The following BTNL9 variants were observed in gnomAD, a reference collection of about 807,000 sequenced individuals.
BTNL9 encodes butyrophilin like 9, also known as butyrophilin-like protein 9.
In BTNL9, 45 loss-of-function variants were observed where a neutral mutation model predicts 45.8. The observed-to-expected ratio is 0.98, with a 90% CI of 0.77 to 1.26. BTNL9 has a LOEUF of 1.26. Ranked by LOEUF, BTNL9 falls within the 50% of genes most tolerant of loss-of-function variation. The probability of loss-of-function intolerance (pLI) is 0.00; values close to 1 mark genes in which losing one functional copy is unlikely to be tolerated. For synonymous variants in BTNL9, 346 were observed against 330.8 expected (o/e 1.05, Z -0.50); for missense variants, 784 against 729.7 (o/e 1.07, Z -0.86).
chr5:181,059,802 C>G lies in BTNL9; in HGVS notation c.1548C>G (p.Asn516Lys). 2 of 1,602,648 alleles carry G rather than the reference C, an allele frequency of 1.2e-6. No individual in the cohort carries two copies. Among genetic ancestry groups the G allele is most frequent in the Non-Finnish European group, 1.7e-6 (2 of 1,178,604 alleles). Residue 516 changes from asparagine to lysine, a missense_variant, in exon 11 of 11, where the codon AAC becomes AAG. Physicochemically the swap from Asn to Lys is moderately conservative, Grantham distance 94. Coordinates refer to ENST00000327705, the MANE Select transcript of BTNL9 (RefSeq NM_152547.5). ...PVRGTGVPEE[N>K]DSDTWLQPYE... is the part of the protein sequence containing the mutation. ...GAGGGACGGGCGTCCCCGAAGAGAA[C>G]GACAGTGACACCTGGCTACAGCCCT...
In BTNL9 at chr5:181,053,357, G is replaced by T; in HGVS notation, c.853+41G>T. 1 of 1,525,342 alleles carries T rather than the reference G, an allele frequency of 6.6e-7. No individual in the cohort carries two copies. Among genetic ancestry groups the T allele is most frequent in the Non-Finnish European group, 8.8e-7 (1 of 1,135,976 alleles). 94.5% of individuals were successfully genotyped at this position (1,525,342 alleles called of 1,614,324 possible). ...GCGGGGCGGGGAGGGGCACCGGCCGGTGCTGAACCCCGGGGCCGCGGAGGC... is the reference window on the plus strand; with the variant it reads ...GCGGGGCGGGGAGGGGCACCGGCCGTTGCTGAACCCCGGGGCCGCGGAGGC... On this transcript the variant is annotated intron_variant, in intron 5 of 10. Coordinates refer to ENST00000327705, the MANE Select transcript of BTNL9 (RefSeq NM_152547.5). The surrounding 1 kb of genome is among the most constrained non-coding windows in gnomAD (Gnocchi z 6.5).
In BTNL9 at chr5:181,048,739, C is replaced by A. The variant is rs1039406700; in HGVS notation, c.454+468C>A. On this transcript the variant is annotated intron_variant, in intron 3 of 10. Coordinates refer to ENST00000327705, the MANE Select transcript of BTNL9 (RefSeq NM_152547.5). ...TATATATATATATCTATATATATATCTATCTATATATATAGATATAGATAT... is the reference window on the plus strand; with the variant it reads ...TATATATATATATCTATATATATATATATCTATATATATAGATATAGATAT... Among the ~76,000 whole-genome samples the A allele has an allele frequency of 2.2e-3, 139 of 63,094 alleles. 1 individual carries two copies. The highest frequency in any genetic ancestry group is 5.6e-3 in the African/African-American group (103 of 18,354). The allele number at this position is 63,094 out of a possible 152,430, so 41.4% of individuals were successfully genotyped here.
At position 181,055,376 on chromosome 5, in the gene BTNL9, G is replaced by A. The variant is rs1284209790; in HGVS notation, c.908-57G>A. 2 of 1,613,980 alleles carry A rather than the reference G, an allele frequency of 1.2e-6. No individual in the cohort carries two copies. Among genetic ancestry groups the A allele is most frequent in the Non-Finnish European group, 1.7e-6 (2 of 1,179,994 alleles). On this transcript the variant is annotated intron_variant, in intron 7 of 10. Coordinates refer to ENST00000327705, the MANE Select transcript of BTNL9 (RefSeq NM_152547.5). This position sits in a 1 kb window ranked among gnomAD's most constrained non-coding sequence, Gnocchi z 4.4. ...AAGCTCTTCCCAGTGGCCTGTCTTG[G>A]GAAGATGGTTCCACCCACCTGCAGG...
At chr5:181,047,631 G>T in intron 2 of BTNL9, 1 of 629,544 alleles carries the variant, frequency 1.6e-6, no homozygotes, top group South Asian at 5.7e-5. Context: ...TTAATGCCTT[G>T]GTCATATTTA....
chr5:181,060,714 T>G lies in BTNL9; in HGVS notation c.*852T>G, dbSNP rs537191316. ...GTAACCTTATACACTACTTATAAGT[T>G]TGAAAGGGGAAAGGTTACCTTTACA... On this transcript the variant is annotated 3_prime_UTR_variant, in exon 11 of 11. Transcript: ENST00000327705. 22 of 152,264 alleles carry G rather than the reference T, an allele frequency of 1.4e-4. No individual in the cohort carries two copies. Among genetic ancestry groups the G allele is most frequent in the African/African-American group, 5.1e-4 (21 of 41,554 alleles). 9.4% of individuals were successfully genotyped at this position (152,264 alleles called of 1,614,324 possible).
chr5:181,059,513 G>C lies in BTNL9; in HGVS notation c.1259G>C (p.Trp420Ser). 6.3e-7 allele frequency: 1 copy of C among 1,596,588 alleles called. No individual in the cohort carries two copies. Among genetic ancestry groups the C allele is most frequent in the Non-Finnish European group, 8.5e-7 (1 of 1,174,518 alleles). ...PARLSPAAGYWVLGLWNGCEY... is the reference protein window; with the variant it reads ...PARLSPAAGYSVLGLWNGCEY... The stretch of plus-strand genomic sequence containing the variant: ...CGCCTGAGCCCTGCGGCCGGCTACT[G>C]GGTGCTGGGGCTGTGGAACGGCTGC... The change falls in exon 11 of 11, where the codon TGG becomes TCG. Residue 420 changes from tryptophan (W) to serine (S), a missense_variant. Coordinates refer to ENST00000327705, the MANE Select transcript of BTNL9 (RefSeq NM_152547.5).
Position 181,055,416 on chromosome 5 carries a change from G to C in BTNL9, c.908-17G>C. On this transcript the variant is annotated splice_polypyrimidine_tract_variant and intron_variant, in intron 7 of 10. Transcript: ENST00000327705. The surrounding 1 kb of genome is among the most constrained non-coding windows in gnomAD (Gnocchi z 4.4). ...CCACCTGCAGGCTGAAGTTTTCTTTGTGTGTTCTGCTTGCAGAAAAGCTTC... is the reference window on the plus strand; with the variant it reads ...CCACCTGCAGGCTGAAGTTTTCTTTCTGTGTTCTGCTTGCAGAAAAGCTTC... 6.2e-7 allele frequency: 1 copy of C among 1,614,150 alleles called. No individual in the cohort carries two copies. The highest frequency in any genetic ancestry group is 8.5e-7 in the Non-Finnish European group (1 of 1,180,024).
At position 181,055,440 on chromosome 5, in the gene BTNL9, T is replaced by G. The variant is rs747517924; in HGVS notation, c.915T>G (p.Leu305=). The change falls in exon 8 of 11, where the codon CTT becomes CTG. Residue 305 remains leucine (L), a synonymous_variant. Transcript: ENST00000327705. The surrounding 1 kb of genome is among the most constrained non-coding windows in gnomAD (Gnocchi z 4.4). ...TGTGTGTTCTGCTTGCAGAAAAGCT[T>G]CAGACAGAGCTTGGTAAGTGACCCC... is the stretch of plus-strand genomic sequence containing the variant. ...QEKLTAELEK[L]QTELDWRRAE... 6 of 1,614,162 alleles carry G rather than the reference T, an allele frequency of 3.7e-6. No individual in the cohort carries two copies. The Admixed American group carries it at 1.0e-4, about 27-fold the overall frequency.
chr5:181,048,415 CAAACA>C (rs1761306510), intron 3 of BTNL9, 144 bp downstream of exon 3: 1 of 752,300 alleles, frequency 1.3e-6, no homozygotes, highest in South Asian at 2.1e-5. Flanking sequence ...CTCAAATGAA[CAAACA>C]AAACAAACAG....
At chr5:181,054,404 A>G in intron 7 of BTNL9, 145 bp downstream of exon 7, 1 of 1,494,552 alleles carries the variant, frequency 6.7e-7, no homozygotes, top group African/African-American at 1.4e-5. Flanking sequence ...TCCCTTGCTA[A>G]GGGGCTGAAA....
intron 2 of BTNL9, chr5:181,047,550 G>A: frequency 2.1e-6 from 2 of 965,978 alleles, no homozygotes; most frequent in Non-Finnish European, 2.5e-6. Context: ...AAATACGTAT[G>A]TTTTTTACTT....
intron 2 of BTNL9, among the ~76,000 whole-genome samples, 198 bp downstream of exon 2, chr5:181,045,796 GC>G (rs1761087586): frequency 7.2e-6 from 1 of 138,020 alleles, no homozygotes; most frequent in Non-Finnish European, 1.6e-5. Context: ...CATCTCCCCA[GC>G]CCCCGACACC....
At chr5:181,052,105 C>A (rs563836946) in intron 4 of BTNL9, among the ~76,000 whole-genome samples, 38 of 152,310 alleles carry the variant, frequency 2.5e-4, no homozygotes, top group African/African-American at 7.7e-4. Flanking sequence ...CAGACACCAT[C>A]TGTTGTGAGG....
rs1372924777 is a variant in BTNL9 at position 181,053,095 on chromosome 5, A to G, written c.737-105A>G. The G allele has an allele frequency of 8.3e-6, 8 of 963,184 alleles. No homozygotes were observed. The highest frequency in any genetic ancestry group is 2.9e-6 in the Non-Finnish European group (2 of 678,832). 59.7% of individuals were successfully genotyped at this position (963,184 alleles called of 1,614,324 possible). On this transcript the variant is annotated intron_variant, in intron 4 of 10. Coordinates refer to ENST00000327705, the MANE Select transcript of BTNL9 (RefSeq NM_152547.5). The surrounding 1 kb of genome is among the most constrained non-coding windows in gnomAD (Gnocchi z 6.5). ...CCCAGGCGGCTGCGGTGGCGCCCGG[A>G]GAAGGTCCCGCGGGAGGTTTCCCGG...
rs1459640088 is a variant in BTNL9 at position 181,055,807 on chromosome 5, G to T, written c.929-182G>T. On this transcript the variant is annotated intron_variant, in intron 8 of 10. Coordinates refer to ENST00000327705, the MANE Select transcript of BTNL9 (RefSeq NM_152547.5). This position sits in a 1 kb window ranked among gnomAD's most constrained non-coding sequence, Gnocchi z 4.4. Reference sequence around the variant, plus strand: ...ACTATTTCTCCTCATTCATCATTTTGCATCTGATTCCCCATATATCTTCTT... The same window carrying T: ...ACTATTTCTCCTCATTCATCATTTTTCATCTGATTCCCCATATATCTTCTT... 4 of 762,260 alleles carry T rather than the reference G, an allele frequency of 5.2e-6. No individual in the cohort carries two copies. Among genetic ancestry groups the T allele is most frequent in the Non-Finnish European group, 9.5e-6 (4 of 419,100 alleles). 47.2% of individuals were successfully genotyped at this position (762,260 alleles called of 1,614,324 possible).
chr5:181,052,664 G>C (rs1312336858), intron 4 of BTNL9: 1 of 152,136 alleles, frequency 6.6e-6, no homozygotes, highest in African/African-American at 2.4e-5. Flanking sequence ...CCCCGGCCAC[G>C]TCCTGCCTGC....
In BTNL9 at chr5:181,050,428, C is replaced by T. The variant is rs950545824; in HGVS notation, c.736+59C>T. On this transcript the variant is annotated intron_variant, in intron 4 of 10. Coordinates refer to ENST00000327705, the MANE Select transcript of BTNL9 (RefSeq NM_152547.5). The surrounding 1 kb of genome is among the most constrained non-coding windows in gnomAD (Gnocchi z 4.9). ...GTCCTCATGTGTACATACACATTGG[C>T]CCAAAGGCAGTCTATAAAGACACAA... The T allele has an allele frequency of 3.8e-6, 6 of 1,564,268 alleles. No individual in the cohort carries two copies. In the East Asian group the frequency reaches 1.3e-4, roughly 35 times the overall value.
chr5:181,044,024 G>A (rs1424626723), intron 1 of BTNL9, among the ~76,000 whole-genome samples: 1 of 152,224 alleles, frequency 6.6e-6, no homozygotes, highest in Non-Finnish European at 1.5e-5. Context: ...CACACCTGGA[G>A]CTGTCCCAAC....
chr5:181,045,413 T>C, intron 1 of BTNL9, 54 bp from the exon 2 acceptor site: 1 of 946,248 alleles, frequency 1.1e-6, no homozygotes, highest in Non-Finnish European at 1.7e-6. Context: ...TGGAGTGAGT[T>C]CCAGCTCCCC....
Sources: allele counts gnomAD v4.1 joint callset (sites outside exome capture counted in the v4.1 genomes callset), GRCh38; gene constraint gnomAD v4.1.1; non-coding constraint Gnocchi (gnomAD v3.1); transcripts MANE v1.5; gene names NCBI Gene and HGNC (gene_info 2026-07-23, HGNC 2026-07-21).